Variants in CNTNAP2 observed in about 807,000 individuals in gnomAD.
CNTNAP2 encodes contactin-associated protein-like 2.
A neutral mutation model predicts 155.2 loss-of-function variants in CNTNAP2; 98 were observed. The observed-to-expected ratio is 0.63, with a 90% CI of 0.54 to 0.75. The LOEUF is 0.75. Ranked by LOEUF, CNTNAP2 falls within the 30% of genes least tolerant of loss-of-function variation. The pLI, the probability that CNTNAP2 is intolerant of heterozygous loss-of-function variation, is 0.00. For synonymous variants in CNTNAP2, 651 were observed against 631.2 expected, an observed-to-expected ratio of 1.03 and a Z score of -0.47; for missense variants, 1,727 against 1,688.1, an observed-to-expected ratio of 1.02 and a Z score of -0.40.
chr7:146,226,029 T>A (rs1414342986), intron 1 of CNTNAP2, among the ~76,000 whole-genome samples: 1 of 152,176 alleles, frequency 6.6e-6, no homozygotes, highest in African/African-American at 2.4e-5. Context: ...ACAAAGAATG[T>A]AACTAGATTT....
chr7:146,544,998 A>T (rs1332412909), intron 1 of CNTNAP2, among the ~76,000 whole-genome samples: 1 of 151,936 alleles, frequency 6.6e-6, no homozygotes, highest in Admixed American at 6.6e-5. Flanking sequence ...TAAGCAAAGC[A>T]AAAAGGTGTT....
chr7:148,131,167 C>T (rs1804824944), intron 16 of CNTNAP2, among the ~76,000 whole-genome samples: 2 of 144,718 alleles, frequency 1.4e-5, no homozygotes, highest in South Asian at 4.4e-4. Context: ...GCAATCTCAG[C>T]AGCTCACCAC....
chr7:146,535,177 TC>T (rs1465356588), intron 1 of CNTNAP2, among the ~76,000 whole-genome samples: 14 of 31,048 alleles, frequency 4.5e-4, no homozygotes, highest in Non-Finnish European at 5.5e-4. Flanking sequence ...ATATCATATA[TC>T]ATATATATGA....
intron 1 of CNTNAP2, among the ~76,000 whole-genome samples, chr7:146,475,326 T>C (rs947357918): frequency 1.3e-5 from 2 of 152,076 alleles, no homozygotes. Context: ...AAGATATGAA[T>C]TGGTAGAACA....
At chr7:147,986,873 TTGTGTGTG>T (rs71686634) in intron 15 of CNTNAP2, among the ~76,000 whole-genome samples, 58 of 147,446 alleles carry the variant, frequency 3.9e-4, no homozygotes, top group African/African-American at 9.8e-4. Flanking sequence ...TGTTTTTTGT[TTGTGTGTG>T]TGTGTGTGTG....
At chr7:147,556,632 C>T (rs1799956724) in intron 11 of CNTNAP2, among the ~76,000 whole-genome samples, 1 of 152,014 alleles carries the variant, frequency 6.6e-6, no homozygotes, top group African/African-American at 2.4e-5. Flanking sequence ...GATGATGAGC[C>T]CAGGAATGTG....
chr7:147,406,551 T>C (rs1260981830), intron 10 of CNTNAP2, among the ~76,000 whole-genome samples: 1 of 152,226 alleles, frequency 6.6e-6, no homozygotes, highest in Non-Finnish European at 1.5e-5. Context: ...GGCAACAAGC[T>C]TAGTTTTTCA....
chr7:147,062,457 AATGAT>A (rs1240678438), intron 4 of CNTNAP2, among the ~76,000 whole-genome samples: 2 of 152,056 alleles, frequency 1.3e-5, no homozygotes, highest in Non-Finnish European at 2.9e-5. Context: ...TTTTATTATA[AATGAT>A]ATGATATAAT....
chr7:147,239,154 ACT>A (rs1803881117), intron 8 of CNTNAP2, among the ~76,000 whole-genome samples: 1 of 151,756 alleles, frequency 6.6e-6, no homozygotes. Flanking sequence ...GGTATGCAAA[ACT>A]CTGCTTGATA....
chr7:147,906,911 A>T (rs1799966699), intron 14 of CNTNAP2, among the ~76,000 whole-genome samples: 2 of 152,156 alleles, frequency 1.3e-5, no homozygotes, highest in African/African-American at 2.4e-5. Context: ...AACATTTCAC[A>T]GTTACTCAGG....
chr7:146,810,793 A>T (rs1166223964), intron 2 of CNTNAP2, among the ~76,000 whole-genome samples: 1 of 152,128 alleles, frequency 6.6e-6, no homozygotes, highest in Non-Finnish European at 1.5e-5. Context: ...AGCCTTTGTT[A>T]TGTTGAAGTA....
intron 8 of CNTNAP2, among the ~76,000 whole-genome samples, chr7:147,146,087 T>TA (rs1801695560): frequency 6.6e-6 from 1 of 152,204 alleles, no homozygotes; most frequent in African/African-American, 2.4e-5. Context: ...CTGGTCAACA[T>TA]AACAGATTGC....
intron 1 of CNTNAP2, among the ~76,000 whole-genome samples, chr7:146,621,177 C>A (rs1459805514): frequency 6.6e-6 from 1 of 152,114 alleles, no homozygotes; most frequent in Non-Finnish European, 1.5e-5. Context: ...GGTCTTGCTG[C>A]CTCATTTTTA....
chr7:147,751,376 C>G (rs1404972644), intron 13 of CNTNAP2, among the ~76,000 whole-genome samples: 1 of 140,986 alleles, frequency 7.1e-6, no homozygotes, highest in East Asian at 2.1e-4. Context: ...TGACGTGAAT[C>G]TTCAAAGGAT....
At chr7:146,700,405 T>G (rs1389110386) in intron 1 of CNTNAP2, among the ~76,000 whole-genome samples, 29 of 152,092 alleles carry the variant, frequency 1.9e-4, no homozygotes, top group Admixed American at 1.9e-3. Flanking sequence ...ATTTCTAAAC[T>G]CTTTAAAAGT....
At chr7:146,759,702 A>G (rs1288204493) in intron 1 of CNTNAP2, among the ~76,000 whole-genome samples, 1 of 107,190 alleles carries the variant, frequency 9.3e-6, no homozygotes, top group East Asian at 2.1e-4. Flanking sequence ...AAAAAAAAAA[A>G]AAAAAAAAAG....
chr7:146,595,486 TCCAGTGGCCCACTAATTCACA>T (rs1798846899), intron 1 of CNTNAP2, among the ~76,000 whole-genome samples: 1 of 152,018 alleles, frequency 6.6e-6, no homozygotes, highest in Non-Finnish European at 1.5e-5. Context: ...AGCTTATACC[TCCAGTGGCCCACTAATTCACA>T]GTCTAAAATG....
chr7:147,403,608 T>C (rs138298169), intron 10 of CNTNAP2, among the ~76,000 whole-genome samples: 39 of 152,334 alleles, frequency 2.6e-4, no homozygotes, highest in African/African-American at 8.4e-4. Flanking sequence ...TTGGCTTTTA[T>C]GTCTTAACAC....
At chr7:147,734,497 C>T (rs1009121272) in intron 13 of CNTNAP2, among the ~76,000 whole-genome samples, 1 of 152,112 alleles carries the variant, frequency 6.6e-6, no homozygotes, top group Non-Finnish European at 1.5e-5. Context: ...TGTGTCTCTG[C>T]CAGGCTTCGG....
Sources: allele counts gnomAD v4.1 joint callset (sites outside exome capture counted in the v4.1 genomes callset), GRCh38; gene constraint gnomAD v4.1.1; transcripts MANE v1.5; gene names NCBI Gene and HGNC (gene_info 2026-07-23, HGNC 2026-07-21).